The following MYO1B variants were observed in gnomAD, a reference collection of about 807,000 sequenced individuals.
The protein encoded by MYO1B is myosin IB.
In MYO1B, 72 loss-of-function variants were observed where a neutral mutation model predicts 159.7. The ratio of observed to expected loss-of-function variants is 0.45; its 90% CI spans 0.37 to 0.55. The LOEUF (loss-of-function observed/expected upper bound fraction) is 0.55, where lower values mean the gene tolerates loss of function less well. Among genes scored for constraint, MYO1B ranks in the 20% least tolerant of loss-of-function variants. MYO1B has a pLI of 0.00. For missense variants in MYO1B, 1,062 were observed against 1,364.8 expected (o/e 0.78, Z 3.50); for synonymous variants, 468 against 473.8 (o/e 0.99, Z 0.16).
chr2:191,309,230 T>G (rs1294944765), intron 3 of MYO1B, among the ~76,000 whole-genome samples: 1 of 152,190 alleles, frequency 6.6e-6, no homozygotes, highest in Non-Finnish European at 1.5e-5. Flanking sequence ...AGTGGCAGCA[T>G]CATCCTTTGG....
intron 2 of MYO1B, among the ~76,000 whole-genome samples, chr2:191,294,697 C>G (rs1352503413): frequency 6.6e-6 from 1 of 152,110 alleles, no homozygotes; most frequent in African/African-American, 2.4e-5. Context: ...TGCATGGGAA[C>G]TGAGAGTTTT....
chr2:191,400,666 CTCTT>C, intron 22 of MYO1B, 79 bp from the exon 23 acceptor site: 2 of 1,493,392 alleles, frequency 1.3e-6, no homozygotes, highest in East Asian at 2.3e-5. Context: ...ACTAGTGTCT[CTCTT>C]TTTCTTTCTT....
chr2:191,258,249 A>G (rs1019522457), intron 1 of MYO1B, among the ~76,000 whole-genome samples: 2 of 152,246 alleles, frequency 1.3e-5, no homozygotes, highest in African/African-American at 2.4e-5. Context: ...TACCATACTG[A>G]ATATTGTAGG....
At chr2:191,303,382 T>C (rs865969058) in intron 3 of MYO1B, among the ~76,000 whole-genome samples, 13 of 152,184 alleles carry the variant, frequency 8.5e-5, no homozygotes, top group African/African-American at 3.1e-4. Flanking sequence ...TTCATTTTAC[T>C]TTTGGAATAG....
chr2:191,277,211 A>G (rs1266605618), intron 2 of MYO1B, among the ~76,000 whole-genome samples, 181 bp downstream of exon 2: 1 of 152,118 alleles, frequency 6.6e-6, no homozygotes, highest in Admixed American at 6.5e-5. Flanking sequence ...TGTGGGTTAG[A>G]CAAGTCAGTC....
chr2:191,367,761 A>G (rs1446559683), intron 11 of MYO1B, among the ~76,000 whole-genome samples: 1 of 152,212 alleles, frequency 6.6e-6, no homozygotes, highest in African/African-American at 2.4e-5. Context: ...TATAAGAAGA[A>G]AAAGGAAAGG....
intron 1 of MYO1B, among the ~76,000 whole-genome samples, chr2:191,250,367 T>C (rs975761949): frequency 6.6e-6 from 1 of 152,284 alleles, no homozygotes; most frequent in South Asian, 2.1e-4. Context: ...AAAAATGATA[T>C]ATAAACTACC....
At chr2:191,369,403 A>G in intron 11 of MYO1B, 139 bp from the exon 12 acceptor site, 1 of 629,376 alleles carries the variant, frequency 1.6e-6, no homozygotes, top group Non-Finnish European at 2.7e-6. Flanking sequence ...TTGATTGTTT[A>G]TGATACAAGA....
chr2:191,296,138 G>A lies in MYO1B; in HGVS notation c.163G>A (p.Val55Ile). 3.1e-6 allele frequency: 5 copies of A among 1,604,450 alleles called. No individual in the cohort carries two copies. The highest frequency in any genetic ancestry group is 4.3e-6 in the Non-Finnish European group (5 of 1,173,800). Residue 55 changes from valine to isoleucine, a missense_variant, in exon 3 of 31, where the codon GTT (valine) becomes ATT (isoleucine). By Grantham distance (29) the Val-to-Ile change is conservative (BLOSUM62 3). Transcript: ENST00000392318. ...YTYIGSVVIS[V>I]NPYRSLPIYS... ...ATACATTGGAAGTGTGGTTATATCT[G>A]TTAACCCATACCGGTCTTTACCCAT...
At chr2:191,320,429 T>C (rs1056434350) in intron 3 of MYO1B, among the ~76,000 whole-genome samples, 1 of 152,152 alleles carries the variant, frequency 6.6e-6, no homozygotes, top group African/African-American at 2.4e-5. Flanking sequence ...CTCTTATTAT[T>C]CTTATTTTTA....
chr2:191,280,765 A>T (rs991693533), intron 2 of MYO1B, among the ~76,000 whole-genome samples: 1 of 152,216 alleles, frequency 6.6e-6, no homozygotes, highest in African/African-American at 2.4e-5. Flanking sequence ...GAAAAGGGGC[A>T]GTGGATGCCG....
At chr2:191,286,503 G>A (rs1035368294) in intron 2 of MYO1B, among the ~76,000 whole-genome samples, 4 of 152,188 alleles carry the variant, frequency 2.6e-5, no homozygotes, top group African/African-American at 9.7e-5. Context: ...GGAGTGAATA[G>A]CATGTTGTCA....
chr2:191,416,051 G>C (rs1697542110), intron 29 of MYO1B, 64 bp from the exon 30 acceptor site: 8 of 1,538,772 alleles, frequency 5.2e-6, no homozygotes, highest in Admixed American at 2.0e-5. Flanking sequence ...TTTTAGCCAA[G>C]CCTGTAAATA....
At chr2:191,322,768 G>A (rs1020204675) in intron 3 of MYO1B, among the ~76,000 whole-genome samples, 15 of 152,044 alleles carry the variant, frequency 9.9e-5, no homozygotes, top group African/African-American at 3.6e-4. Context: ...CAATTATGTG[G>A]GTGTTACAGG....
chr2:191,352,335 A>G (rs1692979142), intron 7 of MYO1B, among the ~76,000 whole-genome samples: 1 of 152,216 alleles, frequency 6.6e-6, no homozygotes, highest in South Asian at 2.1e-4. Context: ...TTAATAAAAC[A>G]CTGTTTTTAA....
At chr2:191,417,443 T>C (rs73057309) in intron 30 of MYO1B, among the ~76,000 whole-genome samples, 1 of 152,186 alleles carries the variant, frequency 6.6e-6, no homozygotes, top group Non-Finnish European at 1.5e-5. Flanking sequence ...AATCCCTTTA[T>C]AATAGTTGAA....
intron 21 of MYO1B, among the ~76,000 whole-genome samples, 162 bp from the exon 22 acceptor site, chr2:191,400,220 T>G (rs1306717906): frequency 2.0e-5 from 3 of 152,190 alleles, no homozygotes. Context: ...GTCCACCTTC[T>G]CATAGTCAGT....
chr2:191,330,160 A>T (rs1691373665), intron 4 of MYO1B, 131 bp downstream of exon 4: 2 of 661,516 alleles, frequency 3.0e-6, no homozygotes, highest in Non-Finnish European at 5.2e-6. Flanking sequence ...GCAGGAGGAT[A>T]CTGGTTAGGA....
intron 1 of MYO1B, among the ~76,000 whole-genome samples, chr2:191,246,762 C>T (rs1299003404): frequency 6.6e-6 from 1 of 152,076 alleles, no homozygotes; most frequent in Non-Finnish European, 1.5e-5. Flanking sequence ...GGGCAGAAAC[C>T]ACCAGAAAAT....
Sources: allele counts gnomAD v4.1 joint callset (sites outside exome capture counted in the v4.1 genomes callset), GRCh38; gene constraint gnomAD v4.1.1; transcripts MANE v1.5; gene names NCBI Gene and HGNC (gene_info 2026-07-23, HGNC 2026-07-21).